The following PBX3 variants were observed in gnomAD, a reference collection of about 807,000 sequenced individuals.
PBX3 encodes the protein pre-B-cell leukemia transcription factor 3.
PBX3 carries 14 observed loss-of-function variants against 48.5 expected under a neutral mutation model. The observed-to-expected ratio is 0.29, with a 90% CI of 0.19 to 0.45. The LOEUF (loss-of-function observed/expected upper bound fraction) is 0.45. PBX3 is among the 20% of genes least tolerant of loss of function. The pLI is 1.00. For synonymous variants in PBX3, 210 were observed against 200.3 expected (o/e 1.05, Z -0.41); for missense variants, 386 against 546.7 (o/e 0.71, Z 2.93).
At chr9:125,822,001 T>TA (rs111973387) in intron 2 of PBX3, among the ~76,000 whole-genome samples, 3,853 of 152,152 alleles carry the variant, frequency 0.025, 64 homozygotes, top group Middle Eastern at 0.051. Flanking sequence ...AAGAATTAAT[T>TA]AAAAATGATG....
intron 4 of PBX3, among the ~76,000 whole-genome samples, chr9:125,931,362 ATGC>A (rs1166721332): frequency 6.6e-6 from 1 of 152,114 alleles, no homozygotes; most frequent in Non-Finnish European, 1.5e-5. Flanking sequence ...GCAGTAAATG[ATGC>A]TATCATGGCT....
At chr9:125,791,808 C>T (rs12236996) in intron 2 of PBX3, among the ~76,000 whole-genome samples, 3,044 of 151,724 alleles carry the variant, frequency 0.02, 169 homozygotes, top group East Asian at 0.17. Context: ...TGGTGGCAGG[C>T]GCCTGTAGTC....
chr9:125,938,509 AAACTTGACCAAGTGATTGGAATC>A (rs1309810017), intron 5 of PBX3, among the ~76,000 whole-genome samples: 3 of 152,216 alleles, frequency 2.0e-5, no homozygotes, highest in African/African-American at 7.2e-5. Context: ...AATGGGACAA[AAACTTGACCAAGTGATTGGAATC>A]AACATCACCA....
chr9:125,841,057 A>G (rs183685239), intron 2 of PBX3, among the ~76,000 whole-genome samples: 2 of 152,288 alleles, frequency 1.3e-5, no homozygotes, highest in East Asian at 1.9e-4. Context: ...AGGGCTAACC[A>G]TGCGCTAGGG....
chr9:125,907,607 A>G (rs1168750330), intron 2 of PBX3, among the ~76,000 whole-genome samples: 1 of 152,094 alleles, frequency 6.6e-6, no homozygotes, highest in African/African-American at 2.4e-5. Flanking sequence ...TTTACAGACA[A>G]TGAACCAGGG....
chr9:125,918,718 A>G lies in PBX3; in HGVS notation c.516+2791A>G, dbSNP rs1841388739. On this transcript the variant is annotated intron_variant, in intron 3 of 8. Transcript: ENST00000373489. ...TCTCCTGTAGGTTTGGAATTGTTTT[A>G]GAAGTGATGTAGCAGCACTTAATTC... Among the ~76,000 whole-genome samples, 2 of 152,198 alleles carry G rather than the reference A, an allele frequency of 1.3e-5. 1 individual carries two copies. The highest frequency in any genetic ancestry group is 4.1e-4 in the South Asian group (2 of 4,832).
At chr9:125,782,938 A>T (rs1410314128) in intron 2 of PBX3, among the ~76,000 whole-genome samples, 1 of 151,894 alleles carries the variant, frequency 6.6e-6, no homozygotes, top group Non-Finnish European at 1.5e-5. Flanking sequence ...CCTTTTGAAG[A>T]TTCCTTCTAT....
chr9:125,904,046 C>G (rs559726605), intron 2 of PBX3, among the ~76,000 whole-genome samples: 1 of 151,866 alleles, frequency 6.6e-6, no homozygotes, highest in African/African-American at 2.4e-5. Context: ...ACAGAAAGCT[C>G]TCAAAAAATG....
intron 2 of PBX3, among the ~76,000 whole-genome samples, chr9:125,796,986 A>G (rs1422523615): frequency 6.6e-6 from 1 of 152,014 alleles, no homozygotes; most frequent in Non-Finnish European, 1.5e-5. Context: ...AGATTACCTA[A>G]TTCGTATGGT....
intron 2 of PBX3, among the ~76,000 whole-genome samples, chr9:125,818,561 C>G (rs182948292): frequency 7.2e-5 from 11 of 152,198 alleles, no homozygotes; most frequent in Admixed American, 7.2e-4. Context: ...TGTTGACCAG[C>G]TGGTCTCAAA....
chr9:125,801,750 G>C (rs1837951835), intron 2 of PBX3, among the ~76,000 whole-genome samples: 1 of 147,544 alleles, frequency 6.8e-6, no homozygotes, highest in Non-Finnish European at 1.5e-5. Context: ...TTGTAAAAAG[G>C]TTTTTTCCTC....
At chr9:125,953,338 G>A (rs1037806552) in intron 5 of PBX3, among the ~76,000 whole-genome samples, 6 of 152,048 alleles carry the variant, frequency 3.9e-5, no homozygotes, top group African/African-American at 7.2e-5. Flanking sequence ...TTAGCCGGCC[G>A]TAGTGATGGG....
At chr9:125,897,719 G>A (rs1462428358) in intron 2 of PBX3, among the ~76,000 whole-genome samples, 1 of 151,840 alleles carries the variant, frequency 6.6e-6, no homozygotes, top group Non-Finnish European at 1.5e-5. Flanking sequence ...GTAAGAAACA[G>A]CATTAAAGTT....
chr9:125,963,705 C>A (rs1842476832), intron 8 of PBX3, among the ~76,000 whole-genome samples: 1 of 152,030 alleles, frequency 6.6e-6, no homozygotes, highest in South Asian at 2.1e-4. Flanking sequence ...GGGAGCAGGT[C>A]ATCGTGGTGG....
At chr9:125,958,895 CTCTG>C (rs932359492) in intron 5 of PBX3, among the ~76,000 whole-genome samples, 1 of 152,338 alleles carries the variant, frequency 6.6e-6, no homozygotes, top group Admixed American at 6.5e-5. Context: ...CTCTCTCTCT[CTCTG>C]TCTGTCTCTC....
intron 2 of PBX3, among the ~76,000 whole-genome samples, chr9:125,892,712 A>G (rs1355034094): frequency 6.6e-6 from 1 of 152,234 alleles, no homozygotes; most frequent in Non-Finnish European, 1.5e-5. Context: ...GAACTGCCTG[A>G]AGTCCTCTTT....
intron 2 of PBX3, among the ~76,000 whole-genome samples, chr9:125,833,134 T>C (rs1467179246): frequency 6.6e-6 from 1 of 151,996 alleles, no homozygotes; most frequent in Non-Finnish European, 1.5e-5. Context: ...GGGGAGCAAA[T>C]AGGGAGAAGA....
chr9:125,854,395 G>A (rs765646102), intron 2 of PBX3, among the ~76,000 whole-genome samples: 36 of 151,806 alleles, frequency 2.4e-4, no homozygotes, highest in Admixed American at 9.9e-4. Context: ...TCTGCCTCTC[G>A]AATTGCTGGG....
At chr9:125,761,070 A>G (rs1836653299) in intron 2 of PBX3, among the ~76,000 whole-genome samples, 1 of 152,230 alleles carries the variant, frequency 6.6e-6, no homozygotes, top group Non-Finnish European at 1.5e-5. Flanking sequence ...AAATTAGTGA[A>G]CAATTGAGCT....
Sources: allele counts gnomAD v4.1 joint callset (sites outside exome capture counted in the v4.1 genomes callset), GRCh38; gene constraint gnomAD v4.1.1; transcripts MANE v1.5; gene names NCBI Gene and HGNC (gene_info 2026-07-23, HGNC 2026-07-21).